Variants in COL3A1 observed in about 807,000 individuals in gnomAD.
The protein encoded by COL3A1 is collagen type III alpha 1 chain, also known as collagen alpha-1(III) chain.
Under a neutral mutation model 200.9 loss-of-function variants are expected in COL3A1, and 46 were observed. That is an observed-to-expected ratio of 0.23 (90% confidence interval 0.18 to 0.29). The LOEUF is 0.29. Ranked by LOEUF, COL3A1 falls within the 10% of genes least tolerant of loss-of-function variation. The pLI, the probability that COL3A1 is intolerant of heterozygous loss-of-function variation, is 1.00. For missense variants in COL3A1, 1,367 were observed against 1,917.6 expected, an observed-to-expected ratio of 0.71 and a Z score of 5.36; for synonymous variants, 650 against 628.0, an observed-to-expected ratio of 1.03 and a Z score of -0.52.
Position 189,001,609 on chromosome 2 carries a change from T to C in COL3A1, c.2391+20T>C. 2 of 1,608,240 alleles carry C rather than the reference T, an allele frequency of 1.2e-6. No individual in the cohort carries two copies. Among genetic ancestry groups the C allele is most frequent in the Admixed American group, 1.7e-5 (1 of 59,918 alleles). On this transcript the variant is annotated intron_variant, in intron 34 of 50. Coordinates refer to ENST00000304636, the MANE Select transcript of COL3A1 (RefSeq NM_000090.4). ...AGCCCTGTAAGTGTTAAAGACATTC[T>C]CAACATACTTTTTAACCCCATACAG... is the stretch of plus-strand genomic sequence containing the variant.
chr2:188,988,499 A>G (rs1688109529), intron 6 of COL3A1, 91 bp from the exon 7 acceptor site: 1 of 922,282 alleles, frequency 1.1e-6, no homozygotes, highest in African/African-American at 1.7e-5. Flanking sequence ...TGCTGATTAC[A>G]TTCACAATCC....
chr2:188,986,736 T>C (rs1688072409), intron 4 of COL3A1, among the ~76,000 whole-genome samples: 1 of 152,050 alleles, frequency 6.6e-6, no homozygotes, highest in South Asian at 2.1e-4. Context: ...AAACAGCCTA[T>C]GATCCTATGT....
At chr2:189,002,028 T>A (rs1688477111) in intron 34 of COL3A1, among the ~76,000 whole-genome samples, 1 of 152,166 alleles carries the variant, frequency 6.6e-6, no homozygotes, top group African/African-American at 2.4e-5. Flanking sequence ...TACATAAATA[T>A]CTATATATAT....
chr2:188,996,008 T>C, intron 22 of COL3A1, 117 bp from the exon 23 acceptor site: 4 of 1,052,564 alleles, frequency 3.8e-6, no homozygotes, highest in Non-Finnish European at 5.8e-6. Flanking sequence ...GGAAAAAAGA[T>C]GTGCAAATCT....
At chr2:188,995,841 G>A (rs1462855345) in intron 22 of COL3A1, 51 bp downstream of exon 22, 2 of 1,432,988 alleles carry the variant, frequency 1.4e-6, no homozygotes, top group South Asian at 1.2e-5. Context: ...CAGAAGAAAG[G>A]CAAGACAAAT....
intron 25 of COL3A1, 50 bp from the exon 26 acceptor site, chr2:188,997,286 C>A (rs1391515729): frequency 1.9e-6 from 3 of 1,612,830 alleles, no homozygotes; most frequent in Non-Finnish European, 2.5e-6. Flanking sequence ...CTTCTGACTT[C>A]TCTCTGTAAT....
intron 13 of COL3A1, 130 bp from the exon 14 acceptor site, chr2:188,992,054 T>C: frequency 1.2e-6 from 1 of 862,332 alleles, no homozygotes. Flanking sequence ...TTAAAATACA[T>C]AATTATTAAG....
At chr2:188,992,840 T>G (rs966296450) in intron 14 of COL3A1, 47 bp from the exon 15 acceptor site, 1 of 1,513,098 alleles carries the variant, frequency 6.6e-7, no homozygotes, top group African/African-American at 1.4e-5. Context: ...ATGTCAGCTT[T>G]CATTTAGTTG....
At chr2:188,987,253 C>A in intron 5 of COL3A1, 114 bp downstream of exon 5, 1 of 833,914 alleles carries the variant, frequency 1.2e-6, no homozygotes, top group Non-Finnish European at 2.0e-6. Context: ...TACAAAATAG[C>A]TTACCCCTAC....
At chr2:188,988,195 A>C (rs1688103469) in intron 6 of COL3A1, 61 bp downstream of exon 6, 5 of 1,409,818 alleles carry the variant, frequency 3.5e-6, no homozygotes, top group Middle Eastern at 1.8e-4. Context: ...ATTAATATAT[A>C]TTCTGCTATA....
intron 49 of COL3A1, 23 bp downstream of exon 49, chr2:189,010,388 T>G: frequency 2.5e-6 from 4 of 1,611,892 alleles, no homozygotes; most frequent in African/African-American, 2.7e-5. Context: ...ATACCTTTTT[T>G]TAAATAAGTC....
At chr2:188,998,618 T>A (rs906576862) in intron 28 of COL3A1, 56 bp from the exon 29 acceptor site, 1 of 1,534,070 alleles carries the variant, frequency 6.5e-7, no homozygotes, top group African/African-American at 1.4e-5. Flanking sequence ...TATTTGCTTA[T>A]ATTTACATAA....
Position 188,997,374 on chromosome 2 carries a change from A to T in COL3A1, c.1854A>T (p.Gly618=), listed in dbSNP as rs370034518. The change falls in exon 26 of 51, where the codon GGA becomes GGT. Residue 618 remains glycine, a synonymous_variant. Transcript: ENST00000304636. ...PGKNGETGPQ[G]PPGPTGPGGD... is the part of the protein sequence containing the mutation. Reference sequence around the variant, plus strand: ...AGAATGGTGAAACTGGACCTCAGGGACCCCCAGGGCCTACTGTAAGTTCAC... The same window carrying T: ...AGAATGGTGAAACTGGACCTCAGGGTCCCCCAGGGCCTACTGTAAGTTCAC... 158 of 1,613,486 alleles carry T rather than the reference A, an allele frequency of 9.8e-5. No homozygotes were observed. The highest frequency in any genetic ancestry group is 1.3e-4 in the Non-Finnish European group (149 of 1,179,694).
intron 32 of COL3A1, 104 bp from the exon 33 acceptor site, chr2:189,001,293 T>C: frequency 8.9e-7 from 1 of 1,118,104 alleles, no homozygotes; most frequent in East Asian, 2.4e-5. Context: ...AAAAAGTATG[T>C]TATCTAGTTT....
chr2:189,011,429 A>T (rs1360817635), intron 50 of COL3A1, among the ~76,000 whole-genome samples, 199 bp from the exon 51 acceptor site: 1 of 152,238 alleles, frequency 6.6e-6, no homozygotes, highest in Non-Finnish European at 1.5e-5. Flanking sequence ...AAGAATCCTT[A>T]CAAGGCATTT....
chr2:188,979,093 A>G (rs1687893813), intron 1 of COL3A1, among the ~76,000 whole-genome samples: 2 of 152,154 alleles, frequency 1.3e-5, no homozygotes, highest in East Asian at 1.9e-4. Flanking sequence ...TGCCCAAAAG[A>G]TGTAAACATC....
At chr2:189,005,188 G>A (rs1688558523) in intron 40 of COL3A1, among the ~76,000 whole-genome samples, 162 bp from the exon 41 acceptor site, 1 of 152,098 alleles carries the variant, frequency 6.6e-6, no homozygotes. Context: ...CAAGAAGCTT[G>A]CTCCCCCATA....
At chr2:188,987,978 A>G in intron 5 of COL3A1, 103 bp from the exon 6 acceptor site, 1 of 854,212 alleles carries the variant, frequency 1.2e-6, no homozygotes, top group Non-Finnish European at 2.0e-6. Context: ...GATGAGATAT[A>G]GTTGTTCATA....
At chr2:189,001,654 C>T (rs1688467026) in intron 34 of COL3A1, 65 bp downstream of exon 34, 12 of 1,579,316 alleles carry the variant, frequency 7.6e-6, no homozygotes, top group Non-Finnish European at 1.0e-5. Flanking sequence ...ACTTATGCTT[C>T]CCTTTTTGGC....
Sources: gnomAD v4.1 joint callset for allele counts (sites outside exome capture counted in the v4.1 genomes callset) on GRCh38, gnomAD v4.1.1 for gene constraint, MANE v1.5 for transcripts, NCBI Gene and HGNC (gene_info 2026-07-23, HGNC 2026-07-21) for gene names.